DRC8: variants seen among roughly 807,000 people sequenced by gnomAD.
DRC8 encodes dynein regulatory complex protein 8.
chr1:245,082,715 T>C, the DRC8 span, among the ~76,000 whole-genome samples: 1 of 152,060 alleles, frequency 6.6e-6, no homozygotes, highest in Non-Finnish European at 1.5e-5. Context: ...TATTTTATTT[T>C]ATTTTTGAGA....
the DRC8 span, among the ~76,000 whole-genome samples, chr1:245,093,698 A>C: frequency 2.3e-3 from 261 of 115,530 alleles, 1 homozygote; most frequent in South Asian, 7.8e-3. Flanking sequence ...TCCATCTCAC[A>C]AAAAAAAAAA....
chr1:244,999,240 A>G, the DRC8 span, among the ~76,000 whole-genome samples: 1 of 151,182 alleles, frequency 6.6e-6, no homozygotes, highest in African/African-American at 2.4e-5. Context: ...AAAAAAAAAA[A>G]GCCTCCTGAT....
the DRC8 span, among the ~76,000 whole-genome samples, chr1:245,112,064 A>T: frequency 6.6e-6 from 1 of 150,980 alleles, no homozygotes; most frequent in Non-Finnish European, 1.5e-5. Context: ...AGACGTTATT[A>T]TTTGTTTTTG....
At chr1:245,020,542 A>C in the DRC8 span, among the ~76,000 whole-genome samples, 1 of 151,818 alleles carries the variant, frequency 6.6e-6, no homozygotes, top group Non-Finnish European at 1.5e-5. Context: ...CTATTTTCAT[A>C]ATAAATTTAA....
At chr1:245,051,060 G>C in the DRC8 span, among the ~76,000 whole-genome samples, 5 of 152,094 alleles carry the variant, frequency 3.3e-5, no homozygotes, top group East Asian at 3.9e-4. Flanking sequence ...GGTAGAGATG[G>C]GGACTTGCCA....
the DRC8 span, among the ~76,000 whole-genome samples, chr1:244,994,444 T>G: frequency 6.6e-6 from 1 of 152,194 alleles, no homozygotes; most frequent in Non-Finnish European, 1.5e-5. Context: ...TTTATTTTTT[T>G]TCTTAGATGG....
chr1:245,062,866 G>A, the DRC8 span, among the ~76,000 whole-genome samples: 1 of 152,122 alleles, frequency 6.6e-6, no homozygotes, highest in Non-Finnish European at 1.5e-5. Flanking sequence ...ATTATATGAG[G>A]CCTCTTAACT....
chr1:245,070,437 T>C, the DRC8 span, among the ~76,000 whole-genome samples: 1 of 152,236 alleles, frequency 6.6e-6, no homozygotes, highest in Admixed American at 6.5e-5. Flanking sequence ...CCTTTTCAGA[T>C]GCCAGAGGGC....
chr1:244,994,544 C>T, the DRC8 span, among the ~76,000 whole-genome samples: 1 of 152,136 alleles, frequency 6.6e-6, no homozygotes, highest in East Asian at 1.9e-4. Context: ...AGTCTCCTGC[C>T]TCAGCCTCCC....
At chr1:245,082,457 TC>T in the DRC8 span, among the ~76,000 whole-genome samples, 21 of 152,334 alleles carry the variant, frequency 1.4e-4, no homozygotes, top group African/African-American at 4.6e-4. Flanking sequence ...TAAATAAGAA[TC>T]CTAATATTTT....
At chr1:245,022,547 A>G in the DRC8 span, among the ~76,000 whole-genome samples, 1 of 152,192 alleles carries the variant, frequency 6.6e-6, no homozygotes, top group Non-Finnish European at 1.5e-5. Context: ...AATAGATGAT[A>G]TATGTACATG....
chr1:245,002,156 G>A, the DRC8 span: 5 of 1,609,216 alleles, frequency 3.1e-6, no homozygotes, highest in Non-Finnish European at 4.2e-6. Context: ...TAAGGCCTCG[G>A]ACTTTACTGA....
chr1:245,087,499 A>G, the DRC8 span: 1 of 1,384,920 alleles, frequency 7.2e-7, no homozygotes, highest in Non-Finnish European at 9.3e-7. Context: ...CTTTGTTTTT[A>G]AAGATGATCG....
the DRC8 span, among the ~76,000 whole-genome samples, chr1:244,987,418 T>C: frequency 6.6e-6 from 1 of 152,056 alleles, no homozygotes; most frequent in Non-Finnish European, 1.5e-5. Context: ...TTGGCCAGGC[T>C]GGTTTCGAAC....
the DRC8 span, among the ~76,000 whole-genome samples, chr1:245,032,653 A>G: frequency 6.6e-6 from 1 of 152,318 alleles, no homozygotes; most frequent in Admixed American, 6.5e-5. Context: ...AACGCATACA[A>G]CATTGCCTTT....
the DRC8 span, among the ~76,000 whole-genome samples, chr1:245,061,833 C>T: frequency 5.9e-5 from 9 of 152,184 alleles, no homozygotes; most frequent in African/African-American, 2.2e-4. Context: ...AGGCTGGGCA[C>T]AGCAGCTCAC....
At chr1:245,109,065 G>A in the DRC8 span, among the ~76,000 whole-genome samples, 1 of 152,156 alleles carries the variant, frequency 6.6e-6, no homozygotes. Context: ...GTGTGTTGTC[G>A]AGCCAGTTAC....
chr1:245,107,961 C>T, the DRC8 span, among the ~76,000 whole-genome samples: 1 of 152,178 alleles, frequency 6.6e-6, no homozygotes, highest in Non-Finnish European at 1.5e-5. Flanking sequence ...GTTGTTCCCA[C>T]TCCGGGCTAC....
the DRC8 span, among the ~76,000 whole-genome samples, chr1:245,050,475 G>T: frequency 2.6e-5 from 4 of 152,040 alleles, no homozygotes. Flanking sequence ...AGTGCTGAGG[G>T]GGTCACTGCT....
Sources: gnomAD v4.1 joint callset for allele counts (sites outside exome capture counted in the v4.1 genomes callset) on GRCh38, gnomAD v4.1.1 for gene constraint, MANE v1.5 for transcripts, NCBI Gene and HGNC (gene_info 2026-07-23, HGNC 2026-07-21) for gene names.